The following FAM135A variants were observed in gnomAD, a reference collection of about 807,000 sequenced individuals.
The protein encoded by FAM135A is protein FAM135A.
FAM135A carries 79 observed loss-of-function variants against 146.8 expected under a neutral mutation model. That is an observed-to-expected ratio of 0.54 (90% confidence interval 0.45 to 0.65). FAM135A has a LOEUF of 0.65. Among genes scored for constraint, FAM135A ranks in the 30% least tolerant of loss-of-function variants. The probability of loss-of-function intolerance (pLI) is 0.00; values close to 1 mark genes in which losing one functional copy is unlikely to be tolerated. For synonymous variants in FAM135A, 562 were observed against 603.6 expected, an observed-to-expected ratio of 0.93 and a Z score of 1.01; for missense variants, 1,623 against 1,758.2, an observed-to-expected ratio of 0.92 and a Z score of 1.38.
At chr6:70,482,258 A>T (rs2128184895) in intron 10 of FAM135A, 104 bp downstream of exon 10, 1 of 1,118,350 alleles carries the variant, frequency 8.9e-7, no homozygotes, top group East Asian at 2.6e-5. Flanking sequence ...CTAAAACTAC[A>T]GTGTTTGTGT....
chr6:70,481,989 T>A lies in FAM135A; in HGVS notation c.670-12T>A. ...ACTGACACTCTGTATCCTACATCTG[T>A]TTTTTGTTTAGGGTTGTAGCTTCAT... On this transcript the variant is annotated splice_polypyrimidine_tract_variant and intron_variant, in intron 9 of 21. Coordinates refer to ENST00000418814, the MANE Select transcript of FAM135A (RefSeq NM_001162529.3). 5 of 1,607,820 alleles carry A rather than the reference T, an allele frequency of 3.1e-6. No individual in the cohort carries two copies. The highest frequency in any genetic ancestry group is 4.2e-6 in the Non-Finnish European group (5 of 1,176,992).
intron 18 of FAM135A, 78 bp from the exon 19 acceptor site, chr6:70,536,182 A>G (rs1379652981): frequency 1.1e-5 from 15 of 1,396,512 alleles, no homozygotes; most frequent in Admixed American, 2.4e-5. Context: ...ATTCACATCC[A>G]TTTTATAGTG....
intron 18 of FAM135A, among the ~76,000 whole-genome samples, chr6:70,535,748 A>G (rs1796673823): frequency 6.6e-6 from 1 of 152,218 alleles, no homozygotes; most frequent in Non-Finnish European, 1.5e-5. Context: ...GATTCATAGT[A>G]GGAAAATGCA....
intron 10 of FAM135A, among the ~76,000 whole-genome samples, chr6:70,487,503 A>G (rs1178346853): frequency 6.6e-6 from 1 of 152,200 alleles, no homozygotes; most frequent in Non-Finnish European, 1.5e-5. Context: ...GAAGTTAAAA[A>G]GCCAAAATCT....
chr6:70,558,800 CAG>C (rs2128519575), intron 21 of FAM135A, among the ~76,000 whole-genome samples: 1 of 152,140 alleles, frequency 6.6e-6, no homozygotes, highest in East Asian at 1.9e-4. Context: ...GCCTGGGTAA[CAG>C]AGTGACACCC....
intron 4 of FAM135A, among the ~76,000 whole-genome samples, chr6:70,447,581 G>GGC (rs766611028): frequency 5.3e-5 from 8 of 152,322 alleles, no homozygotes; most frequent in Admixed American, 1.3e-4. Context: ...TACCGGCTGT[G>GGC]GCGGGGGACA....
At chr6:70,559,675 C>A in intron 21 of FAM135A, 41 bp from the exon 22 acceptor site, 1 of 1,491,776 alleles carries the variant, frequency 6.7e-7, no homozygotes, top group Admixed American at 1.9e-5. Flanking sequence ...TTTTCAGTTA[C>A]TATTGTGAAC....
Position 70,525,007 on chromosome 6 carries a change from C to A in FAM135A, c.1923C>A (p.Asp641Glu). 2 of 1,600,454 alleles carry A rather than the reference C, an allele frequency of 1.2e-6. No individual in the cohort carries two copies. The highest frequency in any genetic ancestry group is 1.1e-5 in the South Asian group (1 of 87,850). Residue 641 changes from aspartate (D) to glutamate (E), a missense_variant, in exon 15 of 22, where the codon GAC (aspartate) becomes GAA (glutamate). Physicochemically the swap from Asp to Glu is conservative, Grantham distance 45 (BLOSUM62 2). Around this residue, in one of 7 missense-constraint regions of FAM135A, gnomAD observed 1,061 missense variants for 1,113.8 expected, o/e 0.95. Transcript: ENST00000418814. The part of the protein sequence containing the change: ...EHNLASRRSS[D>E]DCHDHQTTPS... The stretch of plus-strand genomic sequence containing the variant: ...ATCTGGCATCCAGAAGGTCATCAGA[C>A]GATTGCCATGATCATCAAACAACCC...
intron 16 of FAM135A, among the ~76,000 whole-genome samples, chr6:70,528,674 C>T (rs2842063): frequency 0.37 from 55,188 of 150,564 alleles, 16,129 homozygotes; most frequent in African/African-American, 0.81. Context: ...AACTGACACT[C>T]ATGTGCCAAC....
intron 20 of FAM135A, among the ~76,000 whole-genome samples, chr6:70,545,416 C>G (rs1329703559): frequency 6.6e-6 from 1 of 151,972 alleles, no homozygotes; most frequent in Non-Finnish European, 1.5e-5. Context: ...AGCTTGAGAC[C>G]AGTCTGGCCA....
intron 5 of FAM135A, among the ~76,000 whole-genome samples, chr6:70,455,769 T>C (rs1235269197): frequency 2.0e-5 from 3 of 152,174 alleles, no homozygotes; most frequent in African/African-American, 7.2e-5. Context: ...TTAAATAGTC[T>C]AACCACTTTT....
intron 11 of FAM135A, among the ~76,000 whole-genome samples, chr6:70,494,317 A>C (rs1786733110): frequency 1.3e-5 from 2 of 151,942 alleles, no homozygotes; most frequent in African/African-American, 2.4e-5. Flanking sequence ...TATATATATA[A>C]GATAATGTGA....
intron 20 of FAM135A, among the ~76,000 whole-genome samples, chr6:70,545,088 A>C (rs942369030): frequency 5.9e-5 from 9 of 151,978 alleles, no homozygotes; most frequent in Non-Finnish European, 1.0e-4. Context: ...AACAAAAAAA[A>C]CCACGAGTAT....
chr6:70,489,825 A>C (rs1478542116), intron 10 of FAM135A, among the ~76,000 whole-genome samples: 1 of 152,096 alleles, frequency 6.6e-6, no homozygotes, highest in Non-Finnish European at 1.5e-5. Flanking sequence ...TTACTATTAT[A>C]ATGAGCAAAA....
chr6:70,432,078 G>A (rs1771791405), intron 4 of FAM135A, among the ~76,000 whole-genome samples: 1 of 151,952 alleles, frequency 6.6e-6, no homozygotes, highest in Admixed American at 6.5e-5. Context: ...TTTTAACACG[G>A]TGTTGTGTAT....
chr6:70,477,778 A>G (rs1027806648), intron 8 of FAM135A, among the ~76,000 whole-genome samples: 5 of 152,170 alleles, frequency 3.3e-5, no homozygotes, highest in South Asian at 2.1e-4. Flanking sequence ...TTATTTTTAT[A>G]GTGAAAACGT....
Position 70,524,441 on chromosome 6 carries a change from T to C in FAM135A, c.1357T>C (p.Ser453Pro), listed in dbSNP as rs751858963. The change falls in exon 15 of 22, where the codon TCT becomes CCT. Residue 453 changes from serine (S) to proline (P), a missense_variant. By Grantham distance (74) the Ser-to-Pro change is moderately conservative (BLOSUM62 -1). Coordinates refer to ENST00000418814, the MANE Select transcript of FAM135A (RefSeq NM_001162529.3). The part of the protein sequence containing the change: ...ETEESSVAGL[S>P]SPELKVRPAG... ...TGAAGAAAGCTCTGTAGCAGGACTT[T>C]CTAGCCCAGAGTTGAAAGTCAGACC... 3.2e-6 allele frequency: 5 copies of C among 1,548,644 alleles called. No homozygotes were observed. The African/African-American group carries it at 4.1e-5, about 13-fold the overall frequency.
intron 5 of FAM135A, among the ~76,000 whole-genome samples, chr6:70,473,635 T>C (rs1782039576): frequency 6.6e-6 from 1 of 152,116 alleles, no homozygotes; most frequent in Admixed American, 6.5e-5. Flanking sequence ...CACTGCTTCT[T>C]CTCCCACACA....
chr6:70,478,816 A>T (rs953936900), intron 8 of FAM135A, among the ~76,000 whole-genome samples: 5 of 152,110 alleles, frequency 3.3e-5, no homozygotes, highest in African/African-American at 1.2e-4. Flanking sequence ...TAGCTTTTAT[A>T]AGCAGGAAGG....
Sources: gnomAD v4.1 joint callset for allele counts (sites outside exome capture counted in the v4.1 genomes callset) on GRCh38, gnomAD v4.1.1 for gene constraint, gnomAD v4.1.1 regional missense constraint, MANE v1.5 for transcripts, NCBI Gene and HGNC (gene_info 2026-07-23, HGNC 2026-07-21) for gene names.